The following PCDHGB2 variants were observed in gnomAD, a reference collection of about 807,000 sequenced individuals.
The protein encoded by PCDHGB2 is protocadherin gamma-B2.
PCDHGB2 carries 55 observed loss-of-function variants against 59.3 expected under a neutral mutation model. The observed-to-expected ratio is 0.93, with a 90% CI of 0.75 to 1.16. PCDHGB2 has a LOEUF of 1.16. PCDHGB2 is among the 50% of genes most tolerant of loss of function. The pLI, the probability that PCDHGB2 is intolerant of heterozygous loss-of-function variation, is 0.00. For synonymous variants in PCDHGB2, 516 were observed against 512.0 expected, an observed-to-expected ratio of 1.01 and a Z score of -0.11; for missense variants, 1,228 against 1,198.5, an observed-to-expected ratio of 1.02 and a Z score of -0.36.
intron 1 of PCDHGB2, chr5:141,376,569 G>T: frequency 6.2e-7 from 1 of 1,603,942 alleles, no homozygotes; most frequent in South Asian, 1.1e-5. Flanking sequence ...CAACTAATCA[G>T]ACAGGCTCAT....
In PCDHGB2 at chr5:141,431,771, C is replaced by G. The variant is rs1175712662; in HGVS notation, c.2422-63036C>G. 1.2e-6 allele frequency: 2 copies of G among 1,614,214 alleles called. No homozygotes were observed. Among genetic ancestry groups the G allele is most frequent in the Non-Finnish European group, 8.5e-7 (1 of 1,180,034 alleles). The stretch of plus-strand genomic sequence containing the variant: ...GCGAGCCAAAGTCCTGATCACTGTT[C>G]TGGACGTGAACGACAATGCCCCAGA... On this transcript the variant is annotated intron_variant, in intron 1 of 3. Coordinates refer to ENST00000522605, the MANE Select transcript of PCDHGB2 (RefSeq NM_018923.3). The surrounding 1 kb of genome is among the most constrained non-coding windows in gnomAD (Gnocchi z 4.8).
Position 141,491,987 on chromosome 5 carries a change from T to A in PCDHGB2, c.2422-2820T>A. The A allele has an allele frequency of 1.4e-6, 1 of 736,922 alleles. No individual in the cohort carries two copies. The highest frequency in any genetic ancestry group is 2.0e-6 in the Non-Finnish European group (1 of 490,378). The allele number at this position is 736,922 out of a possible 1,614,324, so 45.6% of individuals were successfully genotyped here. On this transcript the variant is annotated intron_variant, in intron 1 of 3. Coordinates refer to ENST00000522605, the MANE Select transcript of PCDHGB2 (RefSeq NM_018923.3). The surrounding 1 kb of genome is among the most constrained non-coding windows in gnomAD (Gnocchi z 6.9). ...GCCGGGGCCTCCTTCGAGCTTCCGG[T>A]GAATTTCGGGCGATTTCCGCGGGTG...
At chr5:141,505,804 G>A (rs554534524) in intron 3 of PCDHGB2, among the ~76,000 whole-genome samples, 13 of 152,240 alleles carry the variant, frequency 8.5e-5, no homozygotes, top group Admixed American at 3.3e-4. Context: ...GACTTGGATC[G>A]ACTTGCTCAA....
intron 1 of PCDHGB2, chr5:141,414,950 TGACCAA>T (rs778670321): frequency 6.2e-7 from 1 of 1,614,030 alleles, no homozygotes; most frequent in South Asian, 1.1e-5. Context: ...GGCTACCTGG[TGACCAA>T]GGTGGTGGCG....
Position 141,361,302 on chromosome 5 carries a change from T to C in PCDHGB2, c.1167T>C (p.Asn389=), listed in dbSNP as rs1486382277. 1 of 1,613,928 alleles carries C rather than the reference T, an allele frequency of 6.2e-7. No individual in the cohort carries two copies. The highest frequency in any genetic ancestry group is 1.3e-5 in the African/African-American group (1 of 75,024). ...AAGTTTACTGCCAAGTGTTGGGAAATGCCAAGTTTATTTTGAAATCTTCCT... is the reference window on the plus strand; with the variant it reads ...AAGTTTACTGCCAAGTGTTGGGAAACGCCAAGTTTATTTTGAAATCTTCCT... The part of the protein sequence containing the change: ...NGEVYCQVLG[N]AKFILKSSSK... Residue 389 remains asparagine (N), a synonymous_variant, in exon 1 of 4, where the codon AAT becomes AAC. Coordinates refer to ENST00000522605, the MANE Select transcript of PCDHGB2 (RefSeq NM_018923.3).
intron 1 of PCDHGB2, among the ~76,000 whole-genome samples, chr5:141,401,128 G>C (rs1271194736): frequency 6.6e-6 from 1 of 152,166 alleles, no homozygotes; most frequent in African/African-American, 2.4e-5. Context: ...TGGATCACAT[G>C]GTCAGGAGTT....
chr5:141,409,613 A>G lies in PCDHGB2; in HGVS notation c.2421+47057A>G, dbSNP rs370495173. On this transcript the variant is annotated intron_variant, in intron 1 of 3. Coordinates refer to ENST00000522605, the MANE Select transcript of PCDHGB2 (RefSeq NM_018923.3). Reference sequence around the variant, plus strand: ...CGAGAACAACCCGCCAGGAGCCTCCATTGCGCAAGTGAGCGCCTCTGACCC... The same window carrying G: ...CGAGAACAACCCGCCAGGAGCCTCCGTTGCGCAAGTGAGCGCCTCTGACCC... The G allele has an allele frequency of 8.4e-5, 136 of 1,613,856 alleles. No individual in the cohort carries two copies. Among genetic ancestry groups the G allele is most frequent in the Middle Eastern group, 8.2e-4 (5 of 6,062 alleles).
Position 141,384,300 on chromosome 5 carries a change from AG to A in PCDHGB2, c.2421+21748del, listed in dbSNP as rs751826409. The A allele has an allele frequency of 3.1e-6, 5 of 1,613,658 alleles. No homozygotes were observed. In the Admixed American group the frequency reaches 8.3e-5, roughly 27 times the overall value. On this transcript the variant is annotated intron_variant, in intron 1 of 3. Transcript: ENST00000522605. ...TCTACATCGCTGAGAACAACCCCAG[AG>A]GGGCCTCCATTTTCTTAGTGACTGC...
Position 141,429,458 on chromosome 5 carries a change from T to C in PCDHGB2, c.2422-65349T>C, listed in dbSNP as rs561407449. 1.6e-4 allele frequency among the ~76,000 whole-genome samples: 25 copies of C among 152,210 alleles called. 1 individual carries two copies. The South Asian group carries it at 4.6e-3, about 28-fold the overall frequency. ...TCAAACTCTTGGGCTACAGTAATCC[T>C]CCCACCTCAATCTCCAGAGTAGCTG... On this transcript the variant is annotated intron_variant, in intron 1 of 3. Transcript: ENST00000522605.
At chr5:141,501,516 C>A (rs763346187) in intron 2 of PCDHGB2, among the ~76,000 whole-genome samples, 1 of 152,010 alleles carries the variant, frequency 6.6e-6, no homozygotes, top group Non-Finnish European at 1.5e-5. Flanking sequence ...GGCCTCCAAG[C>A]TGAAGCCCAG....
chr5:141,480,390 T>C (rs753766736), intron 1 of PCDHGB2, among the ~76,000 whole-genome samples: 14 of 151,350 alleles, frequency 9.3e-5, no homozygotes, highest in Non-Finnish European at 1.9e-4. Flanking sequence ...ACTTCAACCA[T>C]GGCAATAGAG....
intron 1 of PCDHGB2, among the ~76,000 whole-genome samples, chr5:141,457,612 G>T (rs1011626121): frequency 1.8e-4 from 27 of 152,232 alleles, no homozygotes; most frequent in Non-Finnish European, 2.9e-4. Flanking sequence ...AATTATGAAT[G>T]AACTTTAATC....
Position 141,432,484 on chromosome 5 carries a change from G to A in PCDHGB2, c.2422-62323G>A, listed in dbSNP as rs1164877592. On this transcript the variant is annotated intron_variant, in intron 1 of 3. Transcript: ENST00000522605. The surrounding 1 kb of genome is among the most constrained non-coding windows in gnomAD (Gnocchi z 6.0). ...TCCCCACGGACGGTTCCACTGGCGTGGAGCTGGCTCCCCGCTCCGCAGAGC... is the reference window on the plus strand; with the variant it reads ...TCCCCACGGACGGTTCCACTGGCGTAGAGCTGGCTCCCCGCTCCGCAGAGC... 8.7e-6 allele frequency: 14 copies of A among 1,614,196 alleles called. No individual in the cohort carries two copies. Among genetic ancestry groups the A allele is most frequent in the Non-Finnish European group, 1.2e-5 (14 of 1,180,046 alleles).
chr5:141,405,351 C>T (rs2094645564), intron 1 of PCDHGB2: 1 of 1,613,962 alleles, frequency 6.2e-7, no homozygotes, highest in Non-Finnish European at 8.5e-7. Context: ...TCCAAGTTTC[C>T]TATAGAAGAC....
At chr5:141,381,761 A>G (rs1777413345) in intron 1 of PCDHGB2, among the ~76,000 whole-genome samples, 1 of 150,538 alleles carries the variant, frequency 6.6e-6, no homozygotes, top group Non-Finnish European at 1.5e-5. Flanking sequence ...TTCTACTACT[A>G]TATAATCAAT....
rs1349935659 is a variant in PCDHGB2 at position 141,507,722 on chromosome 5, A to C, written c.2569+2241A>C. 6.6e-5 allele frequency among the ~76,000 whole-genome samples: 10 copies of C among 152,354 alleles called. No homozygotes were observed. In the East Asian group the frequency reaches 1.9e-3, roughly 29 times the overall value. ...ATTTATGGCCCCAAACCCTCCAAGC[A>C]AGTCATGCAGCTCGTTCCCCTGTCA... On this transcript the variant is annotated intron_variant, in intron 3 of 3. Coordinates refer to ENST00000522605, the MANE Select transcript of PCDHGB2 (RefSeq NM_018923.3).
Position 141,394,682 on chromosome 5 carries a change from G to A in PCDHGB2, c.2421+32126G>A, listed in dbSNP as rs546310598. 6.3e-5 allele frequency: 102 copies of A among 1,611,492 alleles called. No individual in the cohort carries two copies. The South Asian group carries it at 1.0e-3, about 16-fold the overall frequency. ...GACTCTTCTCGGTGGGTCTGCACAC[G>A]GGCGAGGTGCGCACGGCGCGAGCCC... On this transcript the variant is annotated intron_variant, in intron 1 of 3. Coordinates refer to ENST00000522605, the MANE Select transcript of PCDHGB2 (RefSeq NM_018923.3).
chr5:141,422,919 G>C (rs1445179310), intron 1 of PCDHGB2: 9 of 1,614,120 alleles, frequency 5.6e-6, no homozygotes, highest in Non-Finnish European at 6.8e-6. Context: ...CCGAGATCCT[G>C]TACCCTGCCC....
At chr5:141,414,919 G>A (rs2095801962) in intron 1 of PCDHGB2, 2 of 1,614,050 alleles carry the variant, frequency 1.2e-6, no homozygotes, top group African/African-American at 2.7e-5. Context: ...CGTGGAGCTG[G>A]CGCCCCGCTC....
Sources: gnomAD v4.1 joint callset for allele counts (sites outside exome capture counted in the v4.1 genomes callset) on GRCh38, gnomAD v4.1.1 for gene constraint, Gnocchi (gnomAD v3.1) non-coding constraint, MANE v1.5 for transcripts, NCBI Gene and HGNC (gene_info 2026-07-23, HGNC 2026-07-21) for gene names.